Variants in IQGAP1 observed in about 807,000 individuals in gnomAD.
The protein encoded by IQGAP1 is IQ motif containing GTPase activating protein 1, also known as ras GTPase-activating-like protein IQGAP1.
Under a neutral mutation model 215.6 loss-of-function variants are expected in IQGAP1, and 66 were observed. The observed-to-expected ratio is 0.31, with a 90% CI of 0.25 to 0.38. The LOEUF (loss-of-function observed/expected upper bound fraction) is 0.38, where lower values mean the gene tolerates loss of function less well. Among genes scored for constraint, IQGAP1 ranks in the 10% least tolerant of loss-of-function variants. The pLI, the probability that IQGAP1 is intolerant of heterozygous loss-of-function variation, is 1.00. For missense variants in IQGAP1, 1,712 were observed against 1,997.1 expected (o/e 0.86, Z 2.72); for synonymous variants, 772 against 728.7 (o/e 1.06, Z -0.96).
chr15:90,482,598 G>A (rs11853271), intron 28 of IQGAP1: 164,555 of 455,618 alleles, frequency 0.36, 32,301 homozygotes, highest in African/African-American at 0.66. Context: ...AGCAGGCACA[G>A]TTGTTTCTGC....
intron 9 of IQGAP1, among the ~76,000 whole-genome samples, chr15:90,445,525 T>C (rs924607846): frequency 6.6e-6 from 1 of 152,198 alleles, no homozygotes; most frequent in Non-Finnish European, 1.5e-5. Flanking sequence ...CTTGTATTGC[T>C]TGATCTTTAT....
At chr15:90,495,269 C>A (rs1358883926) in intron 36 of IQGAP1, among the ~76,000 whole-genome samples, 1 of 152,146 alleles carries the variant, frequency 6.6e-6, no homozygotes, top group Non-Finnish European at 1.5e-5. Context: ...GACATGTCAT[C>A]CTCCCACAGG....
intron 2 of IQGAP1, among the ~76,000 whole-genome samples, chr15:90,402,961 A>G (rs1190130110): frequency 2.0e-5 from 3 of 152,194 alleles, no homozygotes; most frequent in Non-Finnish European, 4.4e-5. Flanking sequence ...TTTTATTTAA[A>G]TGACTATTAT....
At position 90,439,015 on chromosome 15, in the gene IQGAP1, G is replaced by C. The variant is rs565290577; in HGVS notation, c.468-317G>C. Among the ~76,000 whole-genome samples the C allele has an allele frequency of 8.5e-5, 13 of 152,210 alleles. No homozygotes were observed. The South Asian group carries it at 2.7e-3, about 32-fold the overall frequency. ...GCTGGGATTACAGGCATGAGCCACT[G>C]TGCCTGGCCATTAACATCTAATTAT... On this transcript the variant is annotated intron_variant, in intron 5 of 37. Coordinates refer to ENST00000268182, the MANE Select transcript of IQGAP1 (RefSeq NM_003870.4).
At chr15:90,466,946 G>T (rs1965841159) in intron 17 of IQGAP1, among the ~76,000 whole-genome samples, 2 of 152,148 alleles carry the variant, frequency 1.3e-5, no homozygotes, top group African/African-American at 4.8e-5. Context: ...ACAAAAATTA[G>T]CTGAGTGTGG....
At chr15:90,488,771 G>A (rs16944509) in intron 33 of IQGAP1, among the ~76,000 whole-genome samples, 21,708 of 152,138 alleles carry the variant, frequency 0.14, 1,859 homozygotes, top group South Asian at 0.23. Flanking sequence ...GAGGGCATTC[G>A]AGGCAGGAGA....
rs1017972732 is a variant in IQGAP1, at chr15:90,452,762, G to A, written c.1163-13G>A. On this transcript the variant is annotated splice_polypyrimidine_tract_variant and intron_variant, in intron 11 of 37. Transcript: ENST00000268182. ...TAAGCCCACTGCGTTTCTGACTCCTGTTTTTTACACAGGATTGGCAGCAGT... is the reference window on the plus strand; with the variant it reads ...TAAGCCCACTGCGTTTCTGACTCCTATTTTTTACACAGGATTGGCAGCAGT... 1 of 1,613,102 alleles carries A rather than the reference G, an allele frequency of 6.2e-7. No individual in the cohort carries two copies. Among genetic ancestry groups the A allele is most frequent in the African/African-American group, 1.3e-5 (1 of 74,898 alleles).
At chr15:90,402,584 A>C (rs1449420784) in intron 2 of IQGAP1, among the ~76,000 whole-genome samples, 2 of 152,224 alleles carry the variant, frequency 1.3e-5, no homozygotes, top group Admixed American at 1.3e-4. Context: ...TTTCTGCAGC[A>C]GAAGGAAATA....
chr15:90,439,282 C>A, intron 5 of IQGAP1, 50 bp from the exon 6 acceptor site: 1 of 1,446,972 alleles, frequency 6.9e-7, no homozygotes, highest in Non-Finnish European at 9.7e-7. Context: ...TTAAGGGTGG[C>A]AGCTAGGCAC....
chr15:90,477,257 G>T (rs1213427230), intron 25 of IQGAP1, 27 bp downstream of exon 25: 6 of 1,603,068 alleles, frequency 3.7e-6, no homozygotes, highest in Non-Finnish European at 5.1e-6. Flanking sequence ...TCAGGGCACA[G>T]GCCCCTTCCC....
At chr15:90,426,733 T>C (rs1965228103) in intron 3 of IQGAP1, among the ~76,000 whole-genome samples, 1 of 151,976 alleles carries the variant, frequency 6.6e-6, no homozygotes, top group Non-Finnish European at 1.5e-5. Flanking sequence ...GGTGGGCGGA[T>C]CACAAGGTCA....
intron 22 of IQGAP1, 128 bp downstream of exon 22, chr15:90,474,261 TA>T (rs1163322876): frequency 4.6e-6 from 4 of 874,770 alleles, no homozygotes; most frequent in Non-Finnish European, 7.0e-6. Context: ...ACCTGTGACA[TA>T]AGCCCCTTTG....
At chr15:90,410,693 G>A (rs1182096371) in intron 2 of IQGAP1, among the ~76,000 whole-genome samples, 6 of 151,514 alleles carry the variant, frequency 4.0e-5, no homozygotes, top group Non-Finnish European at 8.8e-5. Context: ...TTGTGGGGTA[G>A]GGGGAGGGGA....
intron 4 of IQGAP1, among the ~76,000 whole-genome samples, chr15:90,430,999 A>G (rs34409519): frequency 4.7e-5 from 7 of 148,126 alleles, no homozygotes; most frequent in Admixed American, 4.1e-4. Flanking sequence ...TATATAATAT[A>G]CAATATATAA....
At chr15:90,480,220 T>G (rs8029305) in intron 26 of IQGAP1, among the ~76,000 whole-genome samples, 12 of 92,450 alleles carry the variant, frequency 1.3e-4, no homozygotes, top group African/African-American at 6.5e-4. Context: ...CCCCATATCT[T>G]AAAAAAAAAA....
At chr15:90,491,180 C>A (rs1427910584) in intron 33 of IQGAP1, among the ~76,000 whole-genome samples, 153 bp from the exon 34 acceptor site, 1 of 152,168 alleles carries the variant, frequency 6.6e-6, no homozygotes, top group Non-Finnish European at 1.5e-5. Context: ...TGCAATTTTT[C>A]ATCTATCATT....
chr15:90,401,746 T>C (rs1414700444), intron 2 of IQGAP1, among the ~76,000 whole-genome samples: 1 of 152,254 alleles, frequency 6.6e-6, no homozygotes, highest in African/African-American at 2.4e-5. Context: ...GATTTCAGGT[T>C]TGGCAAGAAC....
At chr15:90,466,170 T>C (rs1965828070) in intron 16 of IQGAP1, 79 bp downstream of exon 16, 8 of 1,572,386 alleles carry the variant, frequency 5.1e-6, no homozygotes, top group Non-Finnish European at 7.0e-6. Flanking sequence ...CCAAGATAGG[T>C]ATGGGGGAAC....
chr15:90,493,980 T>C (rs1003427200), intron 35 of IQGAP1: 13 of 152,260 alleles, frequency 8.5e-5, no homozygotes, highest in African/African-American at 2.7e-4. Flanking sequence ...AGATTTGTCA[T>C]GGCCTCCAGG....
Sources: allele counts gnomAD v4.1 joint callset (sites outside exome capture counted in the v4.1 genomes callset), GRCh38; gene constraint gnomAD v4.1.1; transcripts MANE v1.5; gene names NCBI Gene and HGNC (gene_info 2026-07-23, HGNC 2026-07-21).